The following SH3TC2 variants were observed in gnomAD, a reference collection of about 807,000 sequenced individuals.
SH3TC2 encodes the protein SH3 domain and tetratricopeptide repeat-containing protein 2.
In SH3TC2, 87 loss-of-function variants were observed where a neutral mutation model predicts 124.5. The observed-to-expected ratio is 0.70, with a 90% CI of 0.59 to 0.84. The LOEUF is 0.84. Ranked by LOEUF, SH3TC2 falls within the 40% of genes least tolerant of loss-of-function variation. The probability of loss-of-function intolerance (pLI) is 0.00; values close to 1 mark genes in which losing one functional copy is unlikely to be tolerated. For missense variants in SH3TC2, 1,536 were observed against 1,566.4 expected (o/e 0.98, Z 0.33); for synonymous variants, 634 against 628.5 (o/e 1.01, Z -0.13).
intron 5 of SH3TC2, 122 bp downstream of exon 5, chr5:149,042,572 G>A: frequency 8.2e-7 from 1 of 1,224,042 alleles, no homozygotes; most frequent in South Asian, 1.2e-5. Flanking sequence ...TAACAGGTGG[G>A]TTCATTTGTG....
chr5:149,014,331 G>T (rs1753834560), intron 12 of SH3TC2, among the ~76,000 whole-genome samples: 1 of 152,170 alleles, frequency 6.6e-6, no homozygotes, highest in Non-Finnish European at 1.5e-5. Flanking sequence ...GAGAACCACT[G>T]CAGTAAACCA....
chr5:149,042,177 T>C (rs1308178365), intron 5 of SH3TC2, among the ~76,000 whole-genome samples: 1 of 152,226 alleles, frequency 6.6e-6, no homozygotes, highest in Non-Finnish European at 1.5e-5. Context: ...AGTTGTTAAT[T>C]GGTAGATGAT....
intron 1 of SH3TC2, chr5:149,062,259 A>G (rs1754765637): frequency 2.1e-6 from 1 of 486,608 alleles, no homozygotes; most frequent in African/African-American, 2.0e-5. Flanking sequence ...GATAAACACC[A>G]CACAAGAGAA....
chr5:149,024,930 G>T (rs1385087558), intron 12 of SH3TC2, among the ~76,000 whole-genome samples: 1 of 152,188 alleles, frequency 6.6e-6, no homozygotes, highest in African/African-American at 2.4e-5. Flanking sequence ...GATGGCAGTG[G>T]AGTAGGTGAT....
At position 149,061,136 on chromosome 5, in the gene SH3TC2, G is replaced by A. The variant is rs144395395; in HGVS notation, c.52+1835C>T. On this transcript the variant is annotated intron_variant, in intron 1 of 16. Coordinates refer to ENST00000515425, the MANE Select transcript of SH3TC2 (RefSeq NM_024577.4). ...TAACTCTTGGTGAAAAGGTGAATGCGGGGTGCCAGCCAGTAATCAATGGCA... is the reference window on the plus strand; with the variant it reads ...TAACTCTTGGTGAAAAGGTGAATGCAGGGTGCCAGCCAGTAATCAATGGCA... Among the ~76,000 whole-genome samples, 494 of 152,308 alleles carry A rather than the reference G, an allele frequency of 3.2e-3. 7 individuals carry two copies. Among genetic ancestry groups the A allele is most frequent in the South Asian group, 0.01 (49 of 4,812 alleles).
rs774721593 is a variant in SH3TC2, at chr5:149,042,733, G to A, written c.490C>T (p.His164Tyr). ...AGTCCCAGGTATATTGTTTCCAGGTGTTTATCATCTACAGACACTTGGATC... is the reference window on the plus strand; with the variant it reads ...AGTCCCAGGTATATTGTTTCCAGGTATTTATCATCTACAGACACTTGGATC... ...TEIQVSVDDKHLETIYLGLLI... is the reference protein window; with the variant it reads ...TEIQVSVDDKYLETIYLGLLI... The change falls in exon 5 of 17, where the codon CAC becomes TAC. Residue 164 changes from histidine to tyrosine, a missense_variant. Physicochemically the swap from His to Tyr is moderately conservative, Grantham distance 83. Transcript: ENST00000515425. 6.2e-7 allele frequency: 1 copy of A among 1,614,136 alleles called. No homozygotes were observed.
At chr5:149,009,849 T>C (rs1015961412) in intron 14 of SH3TC2, among the ~76,000 whole-genome samples, 2 of 152,188 alleles carry the variant, frequency 1.3e-5, no homozygotes, top group East Asian at 3.8e-4. Flanking sequence ...TATATTTTAA[T>C]ACATGCTTAT....
chr5:149,022,838 C>T (rs563080311), intron 12 of SH3TC2, among the ~76,000 whole-genome samples: 1 of 152,186 alleles, frequency 6.6e-6, no homozygotes, highest in Non-Finnish European at 1.5e-5. Flanking sequence ...CCAGAATAGG[C>T]AAATCCATAG....
At chr5:149,034,516 A>G (rs1323905300) in intron 8 of SH3TC2, 2 of 415,398 alleles carry the variant, frequency 4.8e-6, no homozygotes, top group Non-Finnish European at 9.6e-6. Context: ...GAAACACACC[A>G]AGTCCTGAGC....
At position 148,994,530 on chromosome 5, in the gene SH3TC2, CAT is replaced by C. The variant is rs1343472005; in HGVS notation, c.*10179_*10180del. 6.6e-6 allele frequency among the ~76,000 whole-genome samples: 1 copy of C among 151,974 alleles called. No individual in the cohort carries two copies. The highest frequency in any genetic ancestry group is 1.5e-5 in the Non-Finnish European group (1 of 68,020). ...TGCTCACTGGATTGTGAGTTTAGCA[CAT>C]GAGAGGTGTTGAATATTGGTTAGTT... On this transcript the variant is annotated 3_prime_UTR_variant, in exon 17 of 17. Transcript: ENST00000515425.
chr5:149,056,211 G>C (rs986372434), intron 1 of SH3TC2, among the ~76,000 whole-genome samples: 2 of 151,966 alleles, frequency 1.3e-5, no homozygotes, highest in Non-Finnish European at 2.9e-5. Flanking sequence ...TCATCAGCCA[G>C]GTATGAAGCT....
intron 12 of SH3TC2, among the ~76,000 whole-genome samples, chr5:149,014,288 A>G (rs1340341720): frequency 6.6e-6 from 1 of 152,220 alleles, no homozygotes; most frequent in African/African-American, 2.4e-5. Context: ...TTCCTAAGAC[A>G]CATCCAGGTT....
chr5:149,051,404 T>C (rs1754554876), intron 2 of SH3TC2, among the ~76,000 whole-genome samples: 1 of 152,218 alleles, frequency 6.6e-6, no homozygotes, highest in Non-Finnish European at 1.5e-5. Context: ...GGGTATCATA[T>C]AGTATGTAAA....
Position 149,004,343 on chromosome 5 carries a change from G to C in SH3TC2, c.*368C>G, listed in dbSNP as rs1335288972. ...CACAAATTCCAATCTGCTTGCCTTT[G>C]CACCAGTGCAGTGACTGATTTCCTC... On this transcript the variant is annotated 3_prime_UTR_variant, in exon 17 of 17. Transcript: ENST00000515425. The C allele has an allele frequency of 2.1e-5, 5 of 242,660 alleles. No individual in the cohort carries two copies. The highest frequency in any genetic ancestry group is 4.0e-5 in the Non-Finnish European group (5 of 124,064). The allele number at this position is 242,660 out of a possible 1,614,324, so 15.0% of individuals were successfully genotyped here.
Position 149,008,955 on chromosome 5 carries a change from T to C in SH3TC2, c.3374A>G (p.Glu1125Gly), listed in dbSNP as rs1169028062. The change falls in exon 15 of 17, where the codon GAG becomes GGG. Residue 1125 changes from glutamate (E) to glycine (G), a missense_variant. By Grantham distance (98) the Glu-to-Gly change is moderately conservative. This residue lies in a region of SH3TC2 where 426 missense variants were observed against 443.5 expected (regional missense o/e 0.96). Transcript: ENST00000515425. ...TGTCAGCTTATTGAAAATCCGGAGC[T>C]CAGTTCTCACCGCCTTCAACCTCCT... ...LARRLKAVRTELRIFNKLTEL... is the reference protein window; with the variant it reads ...LARRLKAVRTGLRIFNKLTEL... The C allele has an allele frequency of 8.7e-6, 14 of 1,614,062 alleles. No homozygotes were observed. The South Asian group carries it at 1.1e-4, about 13-fold the overall frequency.
Position 149,031,518 on chromosome 5 carries a change from C to T in SH3TC2, c.1135+36G>A, listed in dbSNP as rs756188289. On this transcript the variant is annotated intron_variant, in intron 9 of 16. Coordinates refer to ENST00000515425, the MANE Select transcript of SH3TC2 (RefSeq NM_024577.4). ...GGACACTATCTTATTCTTGAGGACC[C>T]CAGGCTTTTGAAGGTGTCTGAGGAC... The T allele has an allele frequency of 7.4e-6, 12 of 1,613,902 alleles. No individual in the cohort carries two copies. The Admixed American group carries it at 2.0e-4, about 27-fold the overall frequency.
intron 8 of SH3TC2, among the ~76,000 whole-genome samples, chr5:149,036,172 A>C (rs946606142): frequency 2.0e-5 from 3 of 152,216 alleles, no homozygotes; most frequent in African/African-American, 7.2e-5. Flanking sequence ...ATATGTCCAA[A>C]GACAAGGAGC....
chr5:149,046,006 C>T, intron 3 of SH3TC2: 1 of 408,990 alleles, frequency 2.4e-6, no homozygotes, highest in Non-Finnish European at 4.9e-6. Flanking sequence ...CTTAGTTTTC[C>T]CTTAAATCTG....
chr5:148,995,208 G>A lies in SH3TC2; in HGVS notation c.*9503C>T, dbSNP rs533786708. ...GATCCTAAGTTCTGAAAGAGAAAAC[G>A]TGTATCAGAATTACATAATTATATA... On this transcript the variant is annotated 3_prime_UTR_variant, in exon 17 of 17. Coordinates refer to ENST00000515425, the MANE Select transcript of SH3TC2 (RefSeq NM_024577.4). Among the ~76,000 whole-genome samples the A allele has an allele frequency of 7.0e-4, 106 of 152,286 alleles. No individual in the cohort carries two copies. Among genetic ancestry groups the A allele is most frequent in the Admixed American group, 2.0e-3 (30 of 15,296 alleles).
Sources: gnomAD v4.1 joint callset for allele counts (sites outside exome capture counted in the v4.1 genomes callset) on GRCh38, gnomAD v4.1.1 for gene constraint, gnomAD v4.1.1 regional missense constraint, MANE v1.5 for transcripts, NCBI Gene and HGNC (gene_info 2026-07-23, HGNC 2026-07-21) for gene names.